The following NKAIN3 variants were observed in gnomAD, a reference collection of about 807,000 sequenced individuals.
NKAIN3 encodes the protein sodium/potassium transporting ATPase interacting 3.
NKAIN3 carries 25 observed loss-of-function variants against 30.2 expected under a neutral mutation model. That is an observed-to-expected ratio of 0.83 (90% CI 0.60 to 1.16). NKAIN3 has a LOEUF of 1.16. NKAIN3 is among the 50% of genes most tolerant of loss of function. NKAIN3 has a pLI of 0.00. For synonymous variants in NKAIN3, 91 were observed against 89.6 expected (o/e 1.02, Z -0.09); for missense variants, 225 against 254.1 (o/e 0.89, Z 0.78).
At chr8:62,864,609 C>T (rs1047252645) in intron 4 of NKAIN3, among the ~76,000 whole-genome samples, 5 of 152,132 alleles carry the variant, frequency 3.3e-5, no homozygotes, top group African/African-American at 1.2e-4. Context: ...CAGAGTTTTC[C>T]ACCTCGTTGT....
At chr8:62,696,646 C>G (rs1307117814) in intron 3 of NKAIN3, among the ~76,000 whole-genome samples, 3 of 149,022 alleles carry the variant, frequency 2.0e-5, no homozygotes, top group East Asian at 4.0e-4. Flanking sequence ...ATTTAGTTCT[C>G]TTTGCTTTAA....
At chr8:62,269,213 T>C (rs1377343003) in intron 1 of NKAIN3, among the ~76,000 whole-genome samples, 4 of 152,200 alleles carry the variant, frequency 2.6e-5, no homozygotes, top group East Asian at 3.8e-4. Context: ...ACTAATACTT[T>C]ATGGCCATGC....
chr8:62,742,793 A>T (rs1815946096), intron 3 of NKAIN3, among the ~76,000 whole-genome samples: 1 of 152,216 alleles, frequency 6.6e-6, no homozygotes, highest in Non-Finnish European at 1.5e-5. Flanking sequence ...CACACTGCTA[A>T]TAAAGACATT....
chr8:62,563,216 T>C (rs901288396), intron 1 of NKAIN3, among the ~76,000 whole-genome samples: 4 of 152,128 alleles, frequency 2.6e-5, no homozygotes, highest in African/African-American at 9.7e-5. Flanking sequence ...TTTTTAAGGG[T>C]GCCTTTTGCA....
chr8:62,430,615 T>C (rs1386711294), intron 1 of NKAIN3, among the ~76,000 whole-genome samples: 5 of 151,742 alleles, frequency 3.3e-5, no homozygotes, highest in Non-Finnish European at 7.4e-5. Flanking sequence ...TCACACATTC[T>C]TAAAGGAAGT....
At chr8:62,729,608 TTA>T (rs947022898) in intron 3 of NKAIN3, among the ~76,000 whole-genome samples, 1 of 152,002 alleles carries the variant, frequency 6.6e-6, no homozygotes, top group Non-Finnish European at 1.5e-5. Context: ...ATATGATATA[TTA>T]TATATATAGT....
At chr8:62,826,706 A>C (rs1819036578) in intron 4 of NKAIN3, among the ~76,000 whole-genome samples, 1 of 152,188 alleles carries the variant, frequency 6.6e-6, no homozygotes, top group Non-Finnish European at 1.5e-5. Flanking sequence ...GGGAGAAGAC[A>C]ATTACATGTG....
At chr8:62,273,319 T>C (rs1350454530) in intron 1 of NKAIN3, among the ~76,000 whole-genome samples, 2 of 152,216 alleles carry the variant, frequency 1.3e-5, no homozygotes, top group African/African-American at 4.8e-5. Context: ...ATTATGCTGC[T>C]TTTCAACTTT....
chr8:62,704,223 T>C (rs1294605726), intron 3 of NKAIN3, among the ~76,000 whole-genome samples: 1 of 152,216 alleles, frequency 6.6e-6, no homozygotes, highest in African/African-American at 2.4e-5. Context: ...ATTTTTTAAC[T>C]GTATTTTCTA....
intron 2 of NKAIN3, among the ~76,000 whole-genome samples, chr8:62,580,906 T>TTATATATATATATATA (rs71255350): frequency 8.9e-6 from 1 of 112,274 alleles, no homozygotes; most frequent in East Asian, 2.4e-4. Flanking sequence ...GCTAGGGTTT[T>TTATATATATATATATA]TATATATATA....
rs532807537 is a variant in NKAIN3 at position 62,851,190 on chromosome 8, T to A, written c.472-67263T>A. On this transcript the variant is annotated intron_variant, in intron 4 of 6. Transcript: ENST00000623646. ...CCTTCACATCCCTTGTAAGTTGGATTGCTAGGTATTTTATTCTCTTTGAAG... is the reference window on the plus strand; with the variant it reads ...CCTTCACATCCCTTGTAAGTTGGATAGCTAGGTATTTTATTCTCTTTGAAG... 1.8e-3 allele frequency among the ~76,000 whole-genome samples: 271 copies of A among 152,298 alleles called. 1 individual carries two copies. The Middle Eastern group carries it at 0.02, about 11-fold the overall frequency.
chr8:62,687,434 T>C (rs1465828367), intron 3 of NKAIN3, among the ~76,000 whole-genome samples: 1 of 152,194 alleles, frequency 6.6e-6, no homozygotes, highest in Admixed American at 6.5e-5. Context: ...TGAGTGGGGA[T>C]TGTCCCTTTC....
chr8:62,814,328 T>C (rs1046615691), intron 4 of NKAIN3, among the ~76,000 whole-genome samples: 5 of 151,188 alleles, frequency 3.3e-5, no homozygotes, highest in African/African-American at 9.8e-5. Context: ...TTTTTTTTCA[T>C]TCTTTTAATG....
chr8:62,383,034 G>C (rs1817323934), intron 1 of NKAIN3, among the ~76,000 whole-genome samples: 1 of 152,076 alleles, frequency 6.6e-6, no homozygotes, highest in African/African-American at 2.4e-5. Flanking sequence ...GAGCCTCAAA[G>C]GTCCTTATAA....
intron 1 of NKAIN3, among the ~76,000 whole-genome samples, chr8:62,301,140 TAAATC>T (rs1473011764): frequency 6.6e-6 from 1 of 152,044 alleles, no homozygotes; most frequent in African/African-American, 2.4e-5. Context: ...TTAATAAAAT[TAAATC>T]AAATTCAAAG....
chr8:62,283,833 G>A (rs1046233431), intron 1 of NKAIN3, among the ~76,000 whole-genome samples: 3 of 152,026 alleles, frequency 2.0e-5, no homozygotes, highest in African/African-American at 7.2e-5. Context: ...TAGAAATTTT[G>A]TATCTTGTAT....
At chr8:62,997,764 A>G (rs2130938300) in intron 5 of NKAIN3, among the ~76,000 whole-genome samples, 1 of 152,176 alleles carries the variant, frequency 6.6e-6, no homozygotes, top group Middle Eastern at 3.4e-3. Flanking sequence ...TTAAAAAAAA[A>G]AAAAAAAGAG....
intron 4 of NKAIN3, among the ~76,000 whole-genome samples, chr8:62,846,455 A>G (rs1459544869): frequency 6.6e-6 from 1 of 152,096 alleles, no homozygotes; most frequent in Admixed American, 6.6e-5. Context: ...TCTATTAGCT[A>G]TTCTTCCTGA....
At chr8:62,399,516 G>C (rs1001562020) in intron 1 of NKAIN3, among the ~76,000 whole-genome samples, 3 of 151,398 alleles carry the variant, frequency 2.0e-5, no homozygotes, top group Non-Finnish European at 3.0e-5. Context: ...AAAGAAAAAA[G>C]AGAGAGAGAG....
Sources: allele counts gnomAD v4.1 joint callset (sites outside exome capture counted in the v4.1 genomes callset), GRCh38; gene constraint gnomAD v4.1.1; transcripts MANE v1.5; gene names NCBI Gene and HGNC (gene_info 2026-07-23, HGNC 2026-07-21).